Variants in RNF17 observed in about 807,000 individuals in gnomAD.
The protein encoded by RNF17 is ring finger protein 17.
A neutral mutation model predicts 200.5 loss-of-function variants in RNF17; 31 were observed. The observed-to-expected ratio is 0.15, with a 90% CI of 0.12 to 0.21. The LOEUF is 0.21. Among genes scored for constraint, RNF17 ranks in the 10% least tolerant of loss-of-function variants. The probability of loss-of-function intolerance (pLI) is 1.00; values close to 1 mark genes in which losing one functional copy is unlikely to be tolerated. For synonymous variants in RNF17, 606 were observed against 637.8 expected (o/e 0.95, Z 0.75); for missense variants, 1,628 against 1,905.1 (o/e 0.85, Z 2.71).
Position 24,854,090 on chromosome 13 carries a change from A to G in RNF17, c.3556A>G (p.Thr1186Ala). 1.2e-6 allele frequency: 2 copies of G among 1,614,034 alleles called. No homozygotes were observed. Among genetic ancestry groups the G allele is most frequent in the South Asian group, 2.2e-5 (2 of 91,066 alleles). The change falls in exon 25 of 36, where the codon ACA (threonine) becomes GCA (alanine). Residue 1186 changes from threonine to alanine, a missense_variant. This residue lies in a region of RNF17 where 609 missense variants were observed against 681.9 expected (regional missense o/e 0.89). Coordinates refer to ENST00000255324, the MANE Select transcript of RNF17 (RefSeq NM_031277.3). ...TCCTAACATGAACGTATTTGAGGCA[A>G]CAGTCAGCTGTGTTGGTGATGATGG... ...AIPNMNVFEA[T>A]VSCVGDDGTI... is the part of the protein sequence containing the mutation.
At chr13:24,814,415 T>C (rs9581186) in intron 15 of RNF17, among the ~76,000 whole-genome samples, 26,723 of 152,240 alleles carry the variant, frequency 0.18, 2,514 homozygotes, top group South Asian at 0.32. Flanking sequence ...TTGTTTCTTT[T>C]GTTGCTTGTG....
In RNF17 at chr13:24,874,146, T is replaced by G. The variant is rs1894605597; in HGVS notation, c.4480T>G (p.Leu1494Val). 1.2e-6 allele frequency: 2 copies of G among 1,611,838 alleles called. No homozygotes were observed. The highest frequency in any genetic ancestry group is 8.5e-7 in the Non-Finnish European group (1 of 1,179,418). Residue 1494 changes from leucine (L) to valine (V), a missense_variant, in exon 33 of 36, where the codon TTA (leucine) becomes GTA (valine). Around this residue, in one of 5 missense-constraint regions of RNF17, gnomAD observed 609 missense variants for 681.9 expected, o/e 0.89. Coordinates refer to ENST00000255324, the MANE Select transcript of RNF17 (RefSeq NM_031277.3). ...TTGCCTTGCAGAATATGATGATGGCTTATGGTATAGAGCGAAGATTGTTGC... is the reference window on the plus strand; with the variant it reads ...TTGCCTTGCAGAATATGATGATGGCGTATGGTATAGAGCGAAGATTGTTGC... ...MPCLAEYDDG[L>V]WYRAKIVAIK... is the part of the protein sequence containing the mutation.
At chr13:24,884,537 CCTA>C (rs1702856245), downstream of RNF17, 4 of 1,460,260 alleles carry the variant, frequency 2.7e-6, no homozygotes, top group African/African-American at 4.2e-5. Flanking sequence ...CTCCCAACTG[CCTA>C]CTTTGAAATT....
In RNF17 at chr13:24,868,514, A is replaced by AGGTAAATTGGCATCATGATT. The variant is rs1450122012; in HGVS notation, c.4162-74_4162-73insTCATGATTGGTAAATTGGCA. The AGGTAAATTGGCATCATGATT allele has an allele frequency of 6.6e-5, 39 of 590,754 alleles. No individual in the cohort carries two copies. In the African/African-American group the frequency reaches 6.9e-4, roughly 10 times the overall value. The allele number at this position is 590,754 out of a possible 1,614,324, so 36.6% of individuals were successfully genotyped here. ...AAAAACTTGCTTTCTGCTAATTGAAAGGTAAATTGGCACCATCATGAATTT... is the reference window on the plus strand; with the variant it reads ...AAAAACTTGCTTTCTGCTAATTGAAAGGTAAATTGGCATCATGATTGGTAAATTGGCACCATCATGAATTT... On this transcript the variant is annotated intron_variant, in intron 30 of 35. Coordinates refer to ENST00000255324, the MANE Select transcript of RNF17 (RefSeq NM_031277.3).
At chr13:24,788,983 C>T (rs529809719) in intron 7 of RNF17, among the ~76,000 whole-genome samples, 10 of 152,086 alleles carry the variant, frequency 6.6e-5, no homozygotes, top group East Asian at 1.9e-4. Flanking sequence ...CTGTGTATTA[C>T]ACGTGCAACA....
chr13:24,850,314 A>G lies in RNF17; in HGVS notation c.3102-27A>G, dbSNP rs767106581. Reference sequence around the variant, plus strand: ...CAATATTGTATGCTATTTTTATAAAACAAGTTGCCACTGTTTTCTGTTGTA... The same window carrying G: ...CAATATTGTATGCTATTTTTATAAAGCAAGTTGCCACTGTTTTCTGTTGTA... On this transcript the variant is annotated intron_variant, in intron 22 of 35. Transcript: ENST00000255324. The G allele has an allele frequency of 2.8e-6, 4 of 1,448,328 alleles. No homozygotes were observed. The East Asian group carries it at 9.1e-5, about 33-fold the overall frequency. 89.7% of individuals were successfully genotyped at this position (1,448,328 alleles called of 1,614,324 possible).
chr13:24,764,891 GTGTGTGTGTGTGTGTGT>G (rs1879401243), intron 1 of RNF17, among the ~76,000 whole-genome samples: 1 of 64,700 alleles, frequency 1.5e-5, no homozygotes, highest in Non-Finnish European at 3.7e-5. Flanking sequence ...CTTGTGGGGT[GTGTGTGTGTGTGTGTGT>G]GTGTGTGTGT....
chr13:24,831,072 C>G (rs2138023183), intron 17 of RNF17, among the ~76,000 whole-genome samples: 1 of 152,190 alleles, frequency 6.6e-6, no homozygotes. Context: ...AATTTATATA[C>G]TGTTGTTTGA....
At position 24,854,206 on chromosome 13, in the gene RNF17, C is replaced by G. The variant is rs867994436; in HGVS notation, c.3610+62C>G. ...AGTACGAACGACAGGGATTGAAATA[C>G]TTTGGGCAACCTCTTTGAACGTTAT... On this transcript the variant is annotated intron_variant, in intron 25 of 35. Coordinates refer to ENST00000255324, the MANE Select transcript of RNF17 (RefSeq NM_031277.3). 5.1e-5 allele frequency: 65 copies of G among 1,278,906 alleles called. No homozygotes were observed. In the Middle Eastern group the frequency reaches 5.8e-4, roughly 11 times the overall value. The allele number at this position is 1,278,906 out of a possible 1,614,324, so 79.2% of individuals were successfully genotyped here.
intron 24 of RNF17, among the ~76,000 whole-genome samples, chr13:24,852,241 C>T (rs1197035485): frequency 6.6e-6 from 1 of 151,754 alleles, no homozygotes; most frequent in Non-Finnish European, 1.5e-5. Flanking sequence ...CAGGTTCACG[C>T]CATTCTCCTG....
chr13:24,886,634 T>A, the RNF17 span, among the ~76,000 whole-genome samples: 1 of 152,012 alleles, frequency 6.6e-6, no homozygotes, highest in Admixed American at 6.5e-5. Context: ...ATAGCAGGAG[T>A]GCTCTGTTTG....
chr13:24,852,842 C>T (rs1210051825), intron 24 of RNF17, among the ~76,000 whole-genome samples: 10 of 152,076 alleles, frequency 6.6e-5, no homozygotes, highest in Non-Finnish European at 1.2e-4. Flanking sequence ...CTTAAGGCGG[C>T]GGTGGGTTGG....
rs1467734311 is a variant in RNF17, at chr13:24,843,240, C to T, written c.2604-504C>T. On this transcript the variant is annotated intron_variant, in intron 19 of 35. Coordinates refer to ENST00000255324, the MANE Select transcript of RNF17 (RefSeq NM_031277.3). Reference sequence around the variant, plus strand: ...CATTCAAATTAATGTTGAACTGGGCCGGGCACAGTGGCTCACGCCTGTAAT... The same window carrying T: ...CATTCAAATTAATGTTGAACTGGGCTGGGCACAGTGGCTCACGCCTGTAAT... Among the ~76,000 whole-genome samples, 6 of 152,096 alleles carry T rather than the reference C, an allele frequency of 3.9e-5. No individual in the cohort carries two copies. The East Asian group carries it at 5.8e-4, about 15-fold the overall frequency.
At chr13:24,764,384 T>C in intron 1 of RNF17, 51 bp downstream of exon 1, 1 of 1,517,366 alleles carries the variant, frequency 6.6e-7, no homozygotes, top group South Asian at 1.2e-5. Context: ...GAGGGAGCGC[T>C]GGGGGCCAGG....
chr13:24,883,316 G>A, downstream of RNF17: 1 of 1,613,696 alleles, frequency 6.2e-7, no homozygotes, highest in Non-Finnish European at 8.5e-7. Flanking sequence ...CTTGAACTGG[G>A]CAGTATGTAG....
chr13:24,756,563 T>A, the RNF17 span, among the ~76,000 whole-genome samples: 1 of 152,184 alleles, frequency 6.6e-6, no homozygotes, highest in African/African-American at 2.4e-5. Flanking sequence ...TCCTTTGAAC[T>A]TACTTTCTCC....
chr13:24,869,321 G>A (rs545775339), intron 31 of RNF17, among the ~76,000 whole-genome samples: 1 of 152,300 alleles, frequency 6.6e-6, no homozygotes, highest in African/African-American at 2.4e-5. Context: ...GGCAGGGGAA[G>A]GATTTGCTTT....
upstream of RNF17, among the ~76,000 whole-genome samples, chr13:24,763,638 A>G (rs573003336): frequency 6.6e-6 from 1 of 152,086 alleles, no homozygotes; most frequent in Non-Finnish European, 1.5e-5. Context: ...TAGTTCATAA[A>G]TTCTTAGCAT....
chr13:24,809,523 TTC>T (rs1172539665), intron 15 of RNF17, among the ~76,000 whole-genome samples: 1 of 152,192 alleles, frequency 6.6e-6, no homozygotes, highest in Non-Finnish European at 1.5e-5. Flanking sequence ...TATTTGATTC[TTC>T]TCTCTTTTTT....
Sources: allele counts gnomAD v4.1 joint callset (sites outside exome capture counted in the v4.1 genomes callset), GRCh38; gene constraint gnomAD v4.1.1; regional missense constraint gnomAD v4.1.1; transcripts MANE v1.5; gene names NCBI Gene and HGNC (gene_info 2026-07-23, HGNC 2026-07-21).